Variants in LHX8 observed in about 807,000 individuals in gnomAD.
LHX8 encodes the protein LIM homeobox 8.
In LHX8, 12 loss-of-function variants were observed where a neutral mutation model predicts 40.3. The ratio of observed to expected loss-of-function variants is 0.30; its 90% CI spans 0.19 to 0.48. The LOEUF is 0.48. Among genes scored for constraint, LHX8 ranks in the 20% least tolerant of loss-of-function variants. The pLI, the probability that LHX8 is intolerant of heterozygous loss-of-function variation, is 0.99. For synonymous variants in LHX8, 179 were observed against 162.0 expected (o/e 1.10, Z -0.80); for missense variants, 344 against 433.7 (o/e 0.79, Z 1.84).
chr1:75,176,809 C>T, the LHX8 span, among the ~76,000 whole-genome samples: 1 of 152,082 alleles, frequency 6.6e-6, no homozygotes, highest in Non-Finnish European at 1.5e-5. Flanking sequence ...GTTTTTAGGT[C>T]TAAAATGTAA....
rs1209017097 is a variant in LHX8 at position 75,141,027 on chromosome 1, G to A, written c.280G>A (p.Val94Ile). 1 of 1,613,566 alleles carries A rather than the reference G, an allele frequency of 6.2e-7. No homozygotes were observed. The highest frequency in any genetic ancestry group is 8.5e-7 in the Non-Finnish European group (1 of 1,179,580). The part of the protein sequence containing the change: ...CWHVRCLSCS[V>I]CRTSLGRHTS... ...GCATGTCCGGTGTCTCTCCTGCAGT[G>A]TTTGCAGAACCTCCCTAGGAAGGCA... Residue 94 changes from valine to isoleucine, a missense_variant, in exon 4 of 9, where the codon GTT (valine) becomes ATT (isoleucine). Val to Ile is a conservative substitution (Grantham distance 29, BLOSUM62 3). Coordinates refer to ENST00000356261, the MANE Select transcript of LHX8 (RefSeq NM_001256114.2).
downstream of LHX8, chr1:75,161,613 A>G (rs1234754505): frequency 1.3e-5 from 2 of 151,964 alleles, no homozygotes; most frequent in Admixed American, 1.3e-4. Flanking sequence ...AAGTTTAAAA[A>G]GTATTGTGTT....
chr1:75,178,222 A>G, the LHX8 span, among the ~76,000 whole-genome samples: 1 of 152,068 alleles, frequency 6.6e-6, no homozygotes, highest in South Asian at 2.1e-4. Flanking sequence ...CTCTTTTTCT[A>G]TGATTGGAAT....
At chr1:75,155,342 C>G (rs958136576) in intron 7 of LHX8, among the ~76,000 whole-genome samples, 1 of 143,408 alleles carries the variant, frequency 7.0e-6, no homozygotes, top group Non-Finnish European at 1.5e-5. Flanking sequence ...TCACTCCATT[C>G]TCCTGCCTCA....
At chr1:75,131,908 A>G (rs1176414441), upstream of LHX8, 1 of 152,132 alleles carries the variant, frequency 6.6e-6, no homozygotes, top group Non-Finnish European at 1.5e-5. Flanking sequence ...CAAATTTTCA[A>G]TTTAGTAGGT....
intron 6 of LHX8, among the ~76,000 whole-genome samples, chr1:75,144,638 C>T (rs1244121837): frequency 6.6e-6 from 1 of 152,088 alleles, no homozygotes; most frequent in East Asian, 1.9e-4. Flanking sequence ...AATTAAATTA[C>T]TCTTTGCTTT....
the LHX8 span, chr1:75,183,290 C>T: frequency 6.6e-6 from 1 of 152,042 alleles, no homozygotes; most frequent in Non-Finnish European, 1.5e-5. Flanking sequence ...CTGCAAGATT[C>T]TACAGAAGAA....
the LHX8 span, among the ~76,000 whole-genome samples, chr1:75,178,806 A>C: frequency 6.6e-6 from 1 of 152,170 alleles, no homozygotes; most frequent in Non-Finnish European, 1.5e-5. Flanking sequence ...TCTTGTGGGC[A>C]TTTAGTGCTA....
the LHX8 span, among the ~76,000 whole-genome samples, chr1:75,198,604 T>C: frequency 6.6e-6 from 1 of 152,180 alleles, no homozygotes; most frequent in Non-Finnish European, 1.5e-5. Context: ...TTCTCAAGCC[T>C]GTATTAACAG....
Position 75,158,410 on chromosome 1 carries a change from A to AT in LHX8, c.964+1339dup, listed in dbSNP as rs1239270308. Among the ~76,000 whole-genome samples, 6 of 152,016 alleles carry AT rather than the reference A, an allele frequency of 3.9e-5. No individual in the cohort carries two copies. In the East Asian group the frequency reaches 1.2e-3, roughly 29 times the overall value. On this transcript the variant is annotated intron_variant, in intron 8 of 8. Coordinates refer to ENST00000356261, the MANE Select transcript of LHX8 (RefSeq NM_001256114.2). ...TAATTTTAATGTAGTTTATTTCATC[A>AT]TTTTTCCTTCATGAGCCATGCTTTT...
chr1:75,152,866 CTTATA>C (rs1648647479), intron 7 of LHX8, among the ~76,000 whole-genome samples: 1 of 152,092 alleles, frequency 6.6e-6, no homozygotes, highest in South Asian at 2.1e-4. Flanking sequence ...ATTTCTGTTT[CTTATA>C]TTATCAATGA....
intron 3 of LHX8, among the ~76,000 whole-genome samples, chr1:75,138,930 T>G (rs1648229455): frequency 6.6e-6 from 1 of 152,162 alleles, no homozygotes; most frequent in African/African-American, 2.4e-5. Flanking sequence ...TATTCTTTAG[T>G]GTGTAATTTC....
At chr1:75,182,026 G>A in the LHX8 span, among the ~76,000 whole-genome samples, 13 of 152,186 alleles carry the variant, frequency 8.5e-5, no homozygotes, top group African/African-American at 2.9e-4. Flanking sequence ...ATTTATCTTT[G>A]TTTTTGTTGC....
Position 75,143,166 on chromosome 1 carries a change from T to C in LHX8, c.408T>C (p.Thr136=), listed in dbSNP as rs746953778. Reference sequence around the variant, plus strand: ...GATGTGGGAGACACATCCATTCTACTGACTGGGTCCGGAGAGCCAAGGGGA... The same window carrying C: ...GATGTGGGAGACACATCCATTCTACCGACTGGGTCCGGAGAGCCAAGGGGA... ...CSRCGRHIHS[T]DWVRRAKGNV... is the part of the protein sequence containing the mutation. The change falls in exon 5 of 9, where the codon ACT becomes ACC. Residue 136 remains threonine, a synonymous_variant. Transcript: ENST00000356261. 1 of 1,613,840 alleles carries C rather than the reference T, an allele frequency of 6.2e-7. No individual in the cohort carries two copies. Among genetic ancestry groups the C allele is most frequent in the South Asian group, 1.1e-5 (1 of 91,068 alleles).
chr1:75,195,355 G>A, the LHX8 span, among the ~76,000 whole-genome samples: 1 of 152,120 alleles, frequency 6.6e-6, no homozygotes, highest in Non-Finnish European at 1.5e-5. Flanking sequence ...GACTTCACCT[G>A]GTGGCCAACA....
chr1:75,161,360 AT>A lies in LHX8; in HGVS notation c.*468del, dbSNP rs1349841958. On this transcript the variant is annotated 3_prime_UTR_variant, in exon 9 of 9. Coordinates refer to ENST00000356261, the MANE Select transcript of LHX8 (RefSeq NM_001256114.2). The stretch of plus-strand genomic sequence containing the variant: ...TTGTATCTGTGAATTTGCAACTGAA[AT>A]TTATTTTGCCAATGTTTTCTGAATG... 5.8e-6 allele frequency: 1 copy of A among 173,266 alleles called. No individual in the cohort carries two copies. The highest frequency in any genetic ancestry group is 1.2e-5 in the Non-Finnish European group (1 of 81,254). The allele number at this position is 173,266 out of a possible 1,614,324, so 10.7% of individuals were successfully genotyped here.
At chr1:75,131,901 A>G (rs1432677903), upstream of LHX8, 1 of 152,034 alleles carries the variant, frequency 6.6e-6, no homozygotes, top group Admixed American at 6.6e-5. Flanking sequence ...TGATTTTCAA[A>G]TTTTCAATTT....
chr1:75,151,874 G>A (rs1648622744), intron 7 of LHX8, among the ~76,000 whole-genome samples: 2 of 152,158 alleles, frequency 1.3e-5, no homozygotes, highest in Admixed American at 1.3e-4. Flanking sequence ...GTAATTTCCA[G>A]GCATTTAGGT....
intron 6 of LHX8, among the ~76,000 whole-genome samples, chr1:75,147,025 C>T (rs573012554): frequency 6.6e-6 from 1 of 152,108 alleles, no homozygotes; most frequent in Non-Finnish European, 1.5e-5. Context: ...GGGGTTATTA[C>T]ATGTTCAACT....
Sources: gnomAD v4.1 joint callset for allele counts (sites outside exome capture counted in the v4.1 genomes callset) on GRCh38, gnomAD v4.1.1 for gene constraint, MANE v1.5 for transcripts, NCBI Gene and HGNC (gene_info 2026-07-23, HGNC 2026-07-21) for gene names.